The following LZTFL1 variants were observed in gnomAD, a reference collection of about 807,000 sequenced individuals.
The protein encoded by LZTFL1 is leucine zipper transcription factor-like protein 1.
LZTFL1 carries 25 observed loss-of-function variants against 45.9 expected under a neutral mutation model. The ratio of observed to expected loss-of-function variants is 0.54; its 90% confidence interval spans 0.40 to 0.76. The LOEUF is 0.76. Ranked by LOEUF, LZTFL1 falls within the 30% of genes least tolerant of loss-of-function variation. LZTFL1 has a pLI of 0.00. For missense variants in LZTFL1, 277 were observed against 331.1 expected (o/e 0.84, Z 1.27); for synonymous variants, 93 against 117.4 (o/e 0.79, Z 1.35).
In LZTFL1 at chr3:45,861,931, G is replaced by C. The variant is rs540452809; in HGVS notation, c.-214-2915C>G. On this transcript the variant is annotated intron_variant, in intron 2 of 4. Coordinates refer to the LZTFL1 transcript ENST00000472635. Reference sequence around the variant, plus strand: ...AAGATCCAAAAAAGCCATGTGGCTTGCCTAAGGTACCGAGTTTTTGTCAAA... The same window carrying C: ...AAGATCCAAAAAAGCCATGTGGCTTCCCTAAGGTACCGAGTTTTTGTCAAA... Among the ~76,000 whole-genome samples the C allele has an allele frequency of 2.6e-5, 4 of 152,294 alleles. No individual in the cohort carries two copies. In the South Asian group the frequency reaches 8.3e-4, roughly 32 times the overall value.
intron 2 of LZTFL1, among the ~76,000 whole-genome samples, chr3:45,889,391 C>G (rs1017939661): frequency 2.0e-5 from 3 of 152,130 alleles, no homozygotes; most frequent in Admixed American, 1.3e-4. Context: ...AATTACTAGA[C>G]TTGCTCTTTC....
chr3:45,898,975 G>A (rs1702459573), intron 2 of LZTFL1, among the ~76,000 whole-genome samples: 1 of 152,178 alleles, frequency 6.6e-6, no homozygotes. Context: ...AGACCAGCCT[G>A]ACCAACATGG....
At position 45,838,061 on chromosome 3, in the gene LZTFL1, A is replaced by C. The variant is rs1264674792; in HGVS notation, c.4-10T>G. On this transcript the variant is annotated splice_polypyrimidine_tract_variant and intron_variant, in intron 1 of 9. Transcript: ENST00000296135. ...TTAGGCCCAACTCTGCCTGAAAAAG[A>C]AAGAGGTAATTTAATTGTTAGTTTT... 2 of 1,584,916 alleles carry C rather than the reference A, an allele frequency of 1.3e-6. No individual in the cohort carries two copies. The highest frequency in any genetic ancestry group is 2.3e-5 in the South Asian group (2 of 85,748).
rs1475948592 is a variant in LZTFL1 at position 45,901,762 on chromosome 3, G to T, written c.-215+11358C>A. On this transcript the variant is annotated intron_variant, in intron 2 of 4. Coordinates refer to the LZTFL1 transcript ENST00000472635. This position sits in a 1 kb window ranked among gnomAD's most constrained non-coding sequence, Gnocchi z 4.3. ...TATGTTTTTGTGGGTGAGAGATTCCGCCGGGATCTCGTGAAAACCCTGAAG... is the reference window on the plus strand; with the variant it reads ...TATGTTTTTGTGGGTGAGAGATTCCTCCGGGATCTCGTGAAAACCCTGAAG... 3.7e-6 allele frequency: 6 copies of T among 1,614,170 alleles called. No individual in the cohort carries two copies. Among genetic ancestry groups the T allele is most frequent in the Non-Finnish European group, 5.1e-6 (6 of 1,180,034 alleles).
In LZTFL1 at chr3:45,900,857, T is replaced by C; in HGVS notation, c.-215+12263A>G. On this transcript the variant is annotated intron_variant, in intron 2 of 4. Transcript: ENST00000472635. This position sits in a 1 kb window ranked among gnomAD's most constrained non-coding sequence, Gnocchi z 4.7. ...ATGACTATGGCTCTGAATCCACATCTTCCATGGAAGACTACGTTAACTTCA... is the reference window on the plus strand; with the variant it reads ...ATGACTATGGCTCTGAATCCACATCCTCCATGGAAGACTACGTTAACTTCA... 6.2e-7 allele frequency: 1 copy of C among 1,614,082 alleles called. No individual in the cohort carries two copies. Among genetic ancestry groups the C allele is most frequent in the Non-Finnish European group, 8.5e-7 (1 of 1,179,952 alleles).
chr3:45,873,448 A>T (rs368376388), intron 2 of LZTFL1, among the ~76,000 whole-genome samples: 1 of 152,162 alleles, frequency 6.6e-6, no homozygotes, highest in Non-Finnish European at 1.5e-5. Context: ...CCATCTTTAC[A>T]TTACAGTTAT....
chr3:45,895,063 C>T, intron 2 of LZTFL1: 1 of 1,202,212 alleles, frequency 8.3e-7, no homozygotes, highest in East Asian at 2.3e-5. Flanking sequence ...GTGTGGTTTC[C>T]CAGGGTAAGA....
intron 1 of LZTFL1, among the ~76,000 whole-genome samples, chr3:45,840,938 A>G (rs1701093531): frequency 6.6e-6 from 1 of 152,262 alleles, no homozygotes; most frequent in African/African-American, 2.4e-5. Flanking sequence ...TTATCATATT[A>G]ACAGTCTTGT....
intron 4 of LZTFL1, among the ~76,000 whole-genome samples, chr3:45,851,893 T>G (rs927013863): frequency 2.0e-5 from 3 of 152,110 alleles, no homozygotes; most frequent in African/African-American, 7.2e-5. Context: ...CTAACTATAT[T>G]GACTTCATAA....
rs72890672 is a variant in LZTFL1, at chr3:45,894,116, A to G, written c.-215+19004T>C. On this transcript the variant is annotated intron_variant, in intron 2 of 4. Transcript: ENST00000472635. Reference sequence around the variant, plus strand: ...CAGACTTCGTCCTCGAAGGCAGTCAAGCTGTTGTTTCTTTGGTTATGTAGG... The same window carrying G: ...CAGACTTCGTCCTCGAAGGCAGTCAGGCTGTTGTTTCTTTGGTTATGTAGG... Among the ~76,000 whole-genome samples the G allele has an allele frequency of 8.9e-3, 1,361 of 152,306 alleles. 20 individuals are homozygous for G. The highest frequency in any genetic ancestry group is 0.031 in the African/African-American group (1,290 of 41,564).
intron 2 of LZTFL1, among the ~76,000 whole-genome samples, chr3:45,866,480 C>G (rs1315277548): frequency 6.6e-6 from 1 of 152,190 alleles, no homozygotes; most frequent in Non-Finnish European, 1.5e-5. Flanking sequence ...AAGGGCAAGC[C>G]TGCCTGATTC....
At chr3:45,830,112 G>A (rs1700776506) in intron 7 of LZTFL1, among the ~76,000 whole-genome samples, 1 of 152,192 alleles carries the variant, frequency 6.6e-6, no homozygotes, top group African/African-American at 2.4e-5. Flanking sequence ...CTCTACTTTT[G>A]TGTATGTTTG....
chr3:45,908,520 G>A (rs889692241), intron 2 of LZTFL1, among the ~76,000 whole-genome samples: 1 of 152,174 alleles, frequency 6.6e-6, no homozygotes, highest in Admixed American at 6.5e-5. Flanking sequence ...GCTAGAGAGT[G>A]TGACAGGGGA....
chr3:45,892,976 T>C (rs1451216552), intron 2 of LZTFL1, among the ~76,000 whole-genome samples: 1 of 152,190 alleles, frequency 6.6e-6, no homozygotes, highest in African/African-American at 2.4e-5. Context: ...ACAGCTTTAT[T>C]GAGGTCCAAT....
At chr3:45,858,839 A>G (rs1340375595) in intron 3 of LZTFL1, 1 of 152,250 alleles carries the variant, frequency 6.6e-6, no homozygotes, top group Non-Finnish European at 1.5e-5. Context: ...AACCTTGAGG[A>G]TACAAATATT....
intron 2 of LZTFL1, among the ~76,000 whole-genome samples, chr3:45,874,168 C>T (rs906999618): frequency 6.6e-6 from 1 of 152,132 alleles, no homozygotes; most frequent in Non-Finnish European, 1.5e-5. Context: ...GCTTTGCTTC[C>T]TTTGCATCCT....
At chr3:45,855,942 GA>G (rs1489784916) in intron 3 of LZTFL1, among the ~76,000 whole-genome samples, 1 of 152,156 alleles carries the variant, frequency 6.6e-6, no homozygotes, top group African/African-American at 2.4e-5. Context: ...TTATGGATAG[GA>G]AGAATCAATA....
chr3:45,868,205 T>C (rs1283570955), intron 2 of LZTFL1, among the ~76,000 whole-genome samples: 1 of 148,292 alleles, frequency 6.7e-6, no homozygotes, highest in South Asian at 2.1e-4. Flanking sequence ...TTTTAAAAAG[T>C]ATTTTAATTT....
At chr3:45,837,135 C>T (rs1015171200) in intron 2 of LZTFL1, among the ~76,000 whole-genome samples, 2 of 152,308 alleles carry the variant, frequency 1.3e-5, no homozygotes, top group South Asian at 4.1e-4. Context: ...AATGTTTCAT[C>T]TAGCCAGCAG....
Sources: allele counts gnomAD v4.1 joint callset (sites outside exome capture counted in the v4.1 genomes callset), GRCh38; gene constraint gnomAD v4.1.1; non-coding constraint Gnocchi (gnomAD v3.1); transcripts MANE v1.5; gene names NCBI Gene and HGNC (gene_info 2026-07-23, HGNC 2026-07-21).